NETO1: variants seen among roughly 807,000 people sequenced by gnomAD.
NETO1 encodes neuropilin and tolloid-like protein 1.
In NETO1, 26 loss-of-function variants were observed where a neutral mutation model predicts 61.3. That is an observed-to-expected ratio of 0.42 (90% CI 0.31 to 0.59). NETO1 has a LOEUF of 0.59. NETO1 is among the 20% of genes least tolerant of loss of function. The probability of loss-of-function intolerance (pLI) is 0.12; values close to 1 mark genes in which losing one functional copy is unlikely to be tolerated. For synonymous variants in NETO1, 225 were observed against 225.8 expected, an observed-to-expected ratio of 1.00 and a Z score of 0.03; for missense variants, 531 against 662.8, an observed-to-expected ratio of 0.80 and a Z score of 2.18.
At chr18:72,865,022 A>G (rs2074692465) in intron 2 of NETO1, 77 bp from the exon 3 acceptor site, 10 of 1,485,816 alleles carry the variant, frequency 6.7e-6, no homozygotes, top group African/African-American at 4.3e-5. Context: ...GGACATTCTT[A>G]TAATATCCAT....
At chr18:72,834,780 C>A (rs147836024) in intron 4 of NETO1, 1 of 984,500 alleles carries the variant, frequency 1.0e-6, no homozygotes, top group African/African-American at 1.8e-5. Context: ...CAGTCCATGG[C>A]GATAAGAAAC....
intron 7 of NETO1, among the ~76,000 whole-genome samples, chr18:72,759,688 T>G (rs2070906764): frequency 1.3e-5 from 2 of 152,318 alleles, no homozygotes; most frequent in Non-Finnish European, 2.9e-5. Flanking sequence ...TCTCAGAAAC[T>G]AAACTCAGCA....
At chr18:72,824,621 T>A (rs963785674) in intron 4 of NETO1, among the ~76,000 whole-genome samples, 1 of 151,896 alleles carries the variant, frequency 6.6e-6, no homozygotes, top group Non-Finnish European at 1.5e-5. Context: ...TTCCAACACT[T>A]TGGGAGGCCG....
Position 72,749,088 on chromosome 18 carries a change from CCTGGA to C in NETO1, c.1542-5_1542-1del. On this transcript the variant is annotated splice_acceptor_variant and splice_polypyrimidine_tract_variant and intron_variant, in intron 9 of 10. Transcript: ENST00000327305. LOFTEE classifies it high-confidence loss of function. Reference sequence around the variant, plus strand: ...TGCTTAGAGACCCAATGAGGCAGAACCTGGAATGTTATGGCTATTTCATTCAACAA... The same window carrying C: ...TGCTTAGAGACCCAATGAGGCAGAACATGTTATGGCTATTTCATTCAACAA... The C allele has an allele frequency of 6.3e-7, 1 of 1,584,580 alleles. No homozygotes were observed.
At chr18:72,798,923 A>G (rs2072411212) in intron 4 of NETO1, among the ~76,000 whole-genome samples, 1 of 152,228 alleles carries the variant, frequency 6.6e-6, no homozygotes, top group African/African-American at 2.4e-5. Flanking sequence ...CATGAAACCA[A>G]CAAAACTGCT....
chr18:72,778,754 G>A (rs896331173), intron 7 of NETO1, among the ~76,000 whole-genome samples: 33 of 152,176 alleles, frequency 2.2e-4, no homozygotes, highest in Admixed American at 3.3e-4. Context: ...CTCCCCTTCT[G>A]AGCCCAGACC....
At chr18:72,805,812 A>C (rs1458158614) in intron 4 of NETO1, among the ~76,000 whole-genome samples, 1 of 152,210 alleles carries the variant, frequency 6.6e-6, no homozygotes, top group East Asian at 1.9e-4. Context: ...AACCTAAAGC[A>C]ATTTTATATA....
At chr18:72,803,099 T>C (rs1044460555) in intron 4 of NETO1, among the ~76,000 whole-genome samples, 5 of 152,296 alleles carry the variant, frequency 3.3e-5, no homozygotes, top group Admixed American at 3.3e-4. Flanking sequence ...ATGAACAAAA[T>C]GAATCTGTTG....
chr18:72,835,822 CTAA>C (rs1377210366), intron 4 of NETO1, among the ~76,000 whole-genome samples: 3 of 152,132 alleles, frequency 2.0e-5, no homozygotes, highest in African/African-American at 7.2e-5. Flanking sequence ...GACACTATAA[CTAA>C]TGTTTGGAAA....
intron 4 of NETO1, among the ~76,000 whole-genome samples, chr18:72,823,025 T>C (rs763714591): frequency 7.2e-5 from 11 of 152,208 alleles, no homozygotes; most frequent in African/African-American, 2.4e-5. Flanking sequence ...CATCTCTGTA[T>C]GTTTTGACTT....
chr18:72,849,626 G>A (rs1324613856), intron 4 of NETO1, among the ~76,000 whole-genome samples: 2 of 152,054 alleles, frequency 1.3e-5, no homozygotes, highest in Non-Finnish European at 2.9e-5. Flanking sequence ...TTATTTTACT[G>A]TAGCACTTCA....
chr18:72,813,446 A>G (rs1479654396), intron 4 of NETO1, among the ~76,000 whole-genome samples: 1 of 152,204 alleles, frequency 6.6e-6, no homozygotes, highest in East Asian at 1.9e-4. Flanking sequence ...ACCTGAGGGA[A>G]GAACAGTGAA....
intron 4 of NETO1, among the ~76,000 whole-genome samples, chr18:72,814,225 CAAT>C (rs1233378181): frequency 1.3e-5 from 2 of 151,818 alleles, no homozygotes; most frequent in African/African-American, 2.4e-5. Flanking sequence ...TCACTGAATC[CAAT>C]AATAAGAGTA....
rs543092415 is a variant in NETO1 at position 72,744,064 on chromosome 18, T to C, written c.*4115A>G. ...AGTAAATACACAAGTCCAAAGCAGG[T>C]TGAGTTTATTTTTCCTACCTCTGAG... On this transcript the variant is annotated 3_prime_UTR_variant, in exon 11 of 11. Transcript: ENST00000327305. The C allele has an allele frequency of 6.6e-6, 1 of 152,142 alleles. No individual in the cohort carries two copies. The highest frequency in any genetic ancestry group is 1.5e-5 in the Non-Finnish European group (1 of 67,976). 9.4% of individuals were successfully genotyped at this position (152,142 alleles called of 1,614,324 possible). A position where few individuals can be genotyped will look rare whatever the true frequency, so the allele number is the denominator to read the frequency against.
chr18:72,828,147 T>C (rs138289902), intron 4 of NETO1, among the ~76,000 whole-genome samples: 4 of 152,272 alleles, frequency 2.6e-5, no homozygotes, highest in African/African-American at 9.6e-5. Context: ...ACCCCGTCTC[T>C]ACTAAATACA....
intron 4 of NETO1, among the ~76,000 whole-genome samples, chr18:72,821,374 C>G (rs2073191586): frequency 6.6e-6 from 1 of 150,450 alleles, no homozygotes; most frequent in South Asian, 2.1e-4. Context: ...GAAACCCCAT[C>G]TCTACTAAAA....
chr18:72,857,021 G>T (rs1048661385), intron 4 of NETO1, among the ~76,000 whole-genome samples: 2 of 152,216 alleles, frequency 1.3e-5, no homozygotes, highest in African/African-American at 4.8e-5. Context: ...TTCTAGAAGA[G>T]GTGTAGATGG....
chr18:72,768,237 C>CT (rs2071229991), intron 7 of NETO1, among the ~76,000 whole-genome samples: 1 of 151,972 alleles, frequency 6.6e-6, no homozygotes, highest in Non-Finnish European at 1.5e-5. Context: ...GACAGATTAA[C>CT]TTTTTTATTT....
At chr18:72,832,726 T>C (rs922896830) in intron 4 of NETO1, among the ~76,000 whole-genome samples, 3 of 152,232 alleles carry the variant, frequency 2.0e-5, no homozygotes, top group Non-Finnish European at 4.4e-5. Context: ...CTGCTATTAA[T>C]GGACAGGCTG....
Sources: allele counts gnomAD v4.1 joint callset (sites outside exome capture counted in the v4.1 genomes callset), GRCh38; gene constraint gnomAD v4.1.1; transcripts MANE v1.5; gene names NCBI Gene and HGNC (gene_info 2026-07-23, HGNC 2026-07-21).